Variants in UBXN2A observed in about 807,000 individuals in gnomAD.
The protein encoded by UBXN2A is UBX domain protein 2A.
A neutral mutation model predicts 28.4 loss-of-function variants in UBXN2A; 28 were observed. The observed-to-expected ratio is 0.99, with a 90% confidence interval of 0.73 to 1.35. The LOEUF is 1.35. UBXN2A is among the 40% of genes most tolerant of loss of function. The pLI is 0.00. For synonymous variants in UBXN2A, 97 were observed against 103.6 expected (o/e 0.94, Z 0.39); for missense variants, 253 against 297.9 (o/e 0.85, Z 1.11).
intron 2 of UBXN2A, among the ~76,000 whole-genome samples, chr2:23,963,942 G>T (rs1291363258): frequency 6.6e-6 from 1 of 151,998 alleles, no homozygotes; most frequent in East Asian, 1.9e-4. Context: ...CAGCCTTGTT[G>T]ACATAGTGAG....
At chr2:23,940,110 C>CAAA (rs70941601), upstream of UBXN2A, among the ~76,000 whole-genome samples, 10,893 of 103,750 alleles carry the variant, frequency 0.1, 547 homozygotes, top group Middle Eastern at 0.16. Context: ...GATTTAGTCT[C>CAAA]AAAAAAAAAA....
Position 23,982,293 on chromosome 2 carries a change from G to A in UBXN2A, c.288-603G>A, listed in dbSNP as rs186037973. On this transcript the variant is annotated intron_variant, in intron 4 of 6. Transcript: ENST00000309033. The stretch of plus-strand genomic sequence containing the variant: ...GAGGCAGGAGAATGGCGTGAACCCG[G>A]GAGGCGGAGCTTGCAGTGGGCCGAG... 4.1e-3 allele frequency among the ~76,000 whole-genome samples: 629 copies of A among 152,134 alleles called. 1 individual carries two copies. The highest frequency in any genetic ancestry group is 6.4e-3 in the Non-Finnish European group (438 of 67,974).
At chr2:23,956,779 G>C (rs1444171284) in intron 1 of UBXN2A, among the ~76,000 whole-genome samples, 1 of 152,146 alleles carries the variant, frequency 6.6e-6, no homozygotes, top group Non-Finnish European at 1.5e-5. Flanking sequence ...TCCTTAAACA[G>C]TAGAATATTT....
At chr2:23,998,264 A>G (rs1708616270) in intron 6 of UBXN2A, among the ~76,000 whole-genome samples, 1 of 152,170 alleles carries the variant, frequency 6.6e-6, no homozygotes, top group Non-Finnish European at 1.5e-5. Flanking sequence ...TATTTATTGT[A>G]TCTCTGATAG....
At chr2:23,994,478 T>C (rs2150918164) in intron 6 of UBXN2A, among the ~76,000 whole-genome samples, 1 of 152,322 alleles carries the variant, frequency 6.6e-6, no homozygotes. Context: ...CTTTTCTAAT[T>C]TTTTTCTTCT....
At chr2:23,977,155 G>A (rs1454674208) in intron 4 of UBXN2A, 80 bp downstream of exon 4, 6 of 1,129,256 alleles carry the variant, frequency 5.3e-6, no homozygotes, top group Non-Finnish European at 7.9e-6. Flanking sequence ...CCTGAGCTCA[G>A]GAGTTCAAGG....
chr2:23,988,136 A>AAAG (rs1553310597), intron 6 of UBXN2A, among the ~76,000 whole-genome samples: 1 of 151,830 alleles, frequency 6.6e-6, no homozygotes, highest in African/African-American at 2.4e-5. Flanking sequence ...AAAAAAAAAA[A>AAAG]AAAGAAAGAA....
At chr2:23,988,796 T>A (rs1708230497) in intron 6 of UBXN2A, among the ~76,000 whole-genome samples, 1 of 152,238 alleles carries the variant, frequency 6.6e-6, no homozygotes, top group South Asian at 2.1e-4. Flanking sequence ...TTTGCTATTT[T>A]ATTCAATAGT....
At chr2:23,954,575 CT>C (rs1334987145) in intron 1 of UBXN2A, among the ~76,000 whole-genome samples, 3 of 152,034 alleles carry the variant, frequency 2.0e-5, no homozygotes, top group Non-Finnish European at 4.4e-5. Context: ...TTGTTTTCTG[CT>C]TTTTGTTTTC....
At chr2:23,969,225 T>C (rs1707305481) in intron 2 of UBXN2A, among the ~76,000 whole-genome samples, 1 of 151,702 alleles carries the variant, frequency 6.6e-6, no homozygotes, top group Non-Finnish European at 1.5e-5. Context: ...AAATACAAAA[T>C]AAAAACCAGT....
rs967784852 is a variant in UBXN2A, at chr2:24,003,496, CTGA to C, written c.*3631_*3633del. ...GATGACCTGACATAAAATCTATCTT[CTGA>C]TTGCAGTCTATTGTGAGAATGCTGC... On this transcript the variant is annotated 3_prime_UTR_variant, in exon 7 of 7. Transcript: ENST00000309033. 7 of 152,128 alleles carry C rather than the reference CTGA, an allele frequency of 4.6e-5. No individual in the cohort carries two copies. Among genetic ancestry groups the C allele is most frequent in the African/African-American group, 1.7e-4 (7 of 41,438 alleles). 9.4% of individuals were successfully genotyped at this position (152,128 alleles called of 1,614,324 possible).
chr2:23,985,067 A>G (rs976377077), intron 6 of UBXN2A, among the ~76,000 whole-genome samples: 2 of 149,320 alleles, frequency 1.3e-5, no homozygotes, highest in Non-Finnish European at 3.0e-5. Context: ...TGCCCAGCTA[A>G]CTTTTTTTTT....
chr2:23,981,782 G>A (rs1053870746), intron 4 of UBXN2A, among the ~76,000 whole-genome samples: 1 of 151,936 alleles, frequency 6.6e-6, no homozygotes, highest in Non-Finnish European at 1.5e-5. Flanking sequence ...CCGCTACTCA[G>A]GAGTCTGAGG....
chr2:23,936,207 G>A (rs549348182), upstream of UBXN2A, among the ~76,000 whole-genome samples: 38 of 152,128 alleles, frequency 2.5e-4, no homozygotes, highest in African/African-American at 7.0e-4. Context: ...CCAAATGGCC[G>A]TCAACATATG....
At chr2:23,976,529 G>T (rs1264852958) in intron 3 of UBXN2A, among the ~76,000 whole-genome samples, 1 of 152,118 alleles carries the variant, frequency 6.6e-6, no homozygotes, top group Non-Finnish European at 1.5e-5. Context: ...TCATAATCAT[G>T]GCATCAGCAG....
In UBXN2A at chr2:23,984,971, A is replaced by T. The variant is rs557922452; in HGVS notation, c.584+140A>T. 2.9e-5 allele frequency: 23 copies of T among 806,356 alleles called. 1 individual carries two copies. In the Middle Eastern group the frequency reaches 1.2e-3, roughly 43 times the overall value. 50.0% of individuals were successfully genotyped at this position (806,356 alleles called of 1,614,324 possible). A position where few individuals can be genotyped will look rare whatever the true frequency, so the allele number is the denominator to read the frequency against. ...GGCCAGAGTGCAGTGGCACAGTCAT[A>T]GCTCACTGCAGTCTTGAAGTCCTGG... On this transcript the variant is annotated intron_variant, in intron 6 of 6. Transcript: ENST00000309033.
chr2:23,960,693 C>T (rs1417200948), intron 2 of UBXN2A, among the ~76,000 whole-genome samples: 2 of 152,040 alleles, frequency 1.3e-5, no homozygotes, highest in African/African-American at 4.8e-5. Flanking sequence ...AGTGCAACGG[C>T]GTGATCTTGG....
upstream of UBXN2A, among the ~76,000 whole-genome samples, chr2:23,937,186 G>A (rs142855228): frequency 6.6e-6 from 1 of 152,218 alleles, no homozygotes; most frequent in Non-Finnish European, 1.5e-5. Flanking sequence ...ACATTGTACT[G>A]GAAGTTCTAG....
At chr2:23,931,488 C>T (rs1705366480) in intron 1 of UBXN2A, among the ~76,000 whole-genome samples, 1 of 151,936 alleles carries the variant, frequency 6.6e-6, no homozygotes, top group African/African-American at 2.4e-5. Context: ...GAAGAGTTGC[C>T]TGTTTTCTAC....
Sources: allele counts gnomAD v4.1 joint callset (sites outside exome capture counted in the v4.1 genomes callset), GRCh38; gene constraint gnomAD v4.1.1; transcripts MANE v1.5; gene names NCBI Gene and HGNC (gene_info 2026-07-23, HGNC 2026-07-21).